USH2A: variants seen among roughly 807,000 people sequenced by gnomAD.
The protein encoded by USH2A is Usher syndrome 2A (autosomal recessive, mild).
A neutral mutation model predicts 538.9 loss-of-function variants in USH2A; 443 were observed. The ratio of observed to expected loss-of-function variants is 0.82; its 90% CI spans 0.76 to 0.89. The LOEUF (loss-of-function observed/expected upper bound fraction) is 0.89, where lower values mean the gene tolerates loss of function less well. Ranked by LOEUF, USH2A falls within the 40% of genes least tolerant of loss-of-function variation. The pLI is 0.00. For missense variants in USH2A, 6,633 were observed against 6,324.8 expected, an observed-to-expected ratio of 1.05 and a Z score of -1.65; for synonymous variants, 2,413 against 2,273.5, an observed-to-expected ratio of 1.06 and a Z score of -1.75.
At chr1:216,365,255 G>A (rs1240785878) in intron 3 of USH2A, among the ~76,000 whole-genome samples, 170 bp from the exon 4 acceptor site, 2 of 152,062 alleles carry the variant, frequency 1.3e-5, no homozygotes, top group African/African-American at 4.8e-5. Context: ...TGTTTATCTA[G>A]ATATAAACCT....
At chr1:215,985,139 G>A (rs1341299876) in intron 35 of USH2A, among the ~76,000 whole-genome samples, 1 of 152,092 alleles carries the variant, frequency 6.6e-6, no homozygotes, top group Admixed American at 6.6e-5. Flanking sequence ...TTAAAACTGA[G>A]CATTTCCAGG....
At chr1:216,371,739 G>A (rs1246845288) in intron 3 of USH2A, among the ~76,000 whole-genome samples, 2 of 152,256 alleles carry the variant, frequency 1.3e-5, no homozygotes, top group Non-Finnish European at 1.5e-5. Flanking sequence ...CAAATTTGAT[G>A]AGCATGCTTT....
At chr1:216,127,763 G>A (rs1558272762) in intron 21 of USH2A, among the ~76,000 whole-genome samples, 1 of 152,150 alleles carries the variant, frequency 6.6e-6, no homozygotes, top group Non-Finnish European at 1.5e-5. Context: ...AAATGCTGTT[G>A]TAGCAAAACT....
At chr1:216,052,507 C>A (rs1201309191) in intron 30 of USH2A, among the ~76,000 whole-genome samples, 1 of 152,106 alleles carries the variant, frequency 6.6e-6, no homozygotes, top group East Asian at 1.9e-4. Flanking sequence ...AGTGCCATTT[C>A]TTTTCTATTT....
At chr1:215,803,753 T>G (rs1438492706) in intron 49 of USH2A, among the ~76,000 whole-genome samples, 1 of 152,120 alleles carries the variant, frequency 6.6e-6, no homozygotes, top group Non-Finnish European at 1.5e-5. Context: ...AAGCTACCAA[T>G]GACTTTCTTC....
At chr1:215,704,319 C>T (rs902159223) in intron 61 of USH2A, among the ~76,000 whole-genome samples, 19 of 152,216 alleles carry the variant, frequency 1.2e-4, no homozygotes, top group African/African-American at 3.9e-4. Flanking sequence ...GTTCTGCCTT[C>T]AGTTCATTTT....
chr1:215,827,696 A>G (rs1663194550), intron 47 of USH2A, among the ~76,000 whole-genome samples: 1 of 152,152 alleles, frequency 6.6e-6, no homozygotes, highest in Non-Finnish European at 1.5e-5. Flanking sequence ...GGTTCTACCC[A>G]TATCCTTTAA....
chr1:215,633,334 T>C (rs1182802560), intron 70 of USH2A, among the ~76,000 whole-genome samples: 1 of 151,986 alleles, frequency 6.6e-6, no homozygotes, highest in East Asian at 1.9e-4. Context: ...CTTCTTTGCT[T>C]CTCCACCACC....
intron 55 of USH2A, among the ~76,000 whole-genome samples, chr1:215,770,556 A>G (rs1418423480): frequency 1.3e-5 from 2 of 152,134 alleles, no homozygotes; most frequent in Non-Finnish European, 2.9e-5. Context: ...GACTCTATAC[A>G]TTATCTAAAT....
intron 30 of USH2A, among the ~76,000 whole-genome samples, chr1:216,054,509 C>A (rs1558233857): frequency 6.6e-6 from 1 of 152,142 alleles, no homozygotes; most frequent in Non-Finnish European, 1.5e-5. Context: ...ATGATTAACT[C>A]CTCTGACTAA....
intron 32 of USH2A, among the ~76,000 whole-genome samples, chr1:216,005,063 A>G (rs955436672): frequency 6.6e-6 from 1 of 152,186 alleles, no homozygotes; most frequent in Non-Finnish European, 1.5e-5. Flanking sequence ...TTAGAACGAA[A>G]TCTAATAATG....
intron 56 of USH2A, among the ~76,000 whole-genome samples, chr1:215,765,961 G>T (rs1271462758): frequency 2.0e-5 from 3 of 152,112 alleles, no homozygotes; most frequent in African/African-American, 7.2e-5. Context: ...ATGCCTCCTT[G>T]AGCAGTGTGG....
At chr1:216,208,107 T>C (rs2035157090) in intron 15 of USH2A, among the ~76,000 whole-genome samples, 1 of 152,156 alleles carries the variant, frequency 6.6e-6, no homozygotes, top group Non-Finnish European at 1.5e-5. Flanking sequence ...AATATAAATA[T>C]ATACCATGAA....
intron 47 of USH2A, among the ~76,000 whole-genome samples, chr1:215,824,170 C>G (rs982873744): frequency 2.0e-5 from 3 of 152,084 alleles, no homozygotes; most frequent in Admixed American, 2.0e-4. Flanking sequence ...ATTTATTAAA[C>G]AGCAACTTTA....
chr1:215,869,110 C>A (rs1022855996), intron 43 of USH2A, among the ~76,000 whole-genome samples: 9 of 152,114 alleles, frequency 5.9e-5, no homozygotes, highest in Admixed American at 5.9e-4. Context: ...CAGATGTTAA[C>A]CCATTCATTC....
chr1:216,160,415 G>A (rs190607310), intron 21 of USH2A, among the ~76,000 whole-genome samples: 115 of 151,824 alleles, frequency 7.6e-4, no homozygotes, highest in African/African-American at 2.7e-3. Context: ...TTTTCCAATC[G>A]GATTATGTTT....
At chr1:216,125,095 C>T (rs148510350) in intron 21 of USH2A, among the ~76,000 whole-genome samples, 29 of 152,134 alleles carry the variant, frequency 1.9e-4, no homozygotes, top group Admixed American at 7.9e-4. Flanking sequence ...AATTTTTATA[C>T]GGTCTTGAAT....
At chr1:216,184,317 A>AT (rs1375848538) in intron 20 of USH2A, among the ~76,000 whole-genome samples, 1 of 151,872 alleles carries the variant, frequency 6.6e-6, no homozygotes, top group African/African-American at 2.4e-5. Context: ...AGAGGCTTTG[A>AT]TTTTTTTTCC....
At chr1:216,323,763 G>A (rs2037667589) in intron 7 of USH2A, 68 bp from the exon 8 acceptor site, 5 of 1,441,560 alleles carry the variant, frequency 3.5e-6, no homozygotes, top group Non-Finnish European at 4.9e-6. Context: ...AAATCAAAAT[G>A]TTGAGAAATT....
Sources: allele counts gnomAD v4.1 joint callset (sites outside exome capture counted in the v4.1 genomes callset), GRCh38; gene constraint gnomAD v4.1.1; transcripts MANE v1.5; gene names NCBI Gene and HGNC (gene_info 2026-07-23, HGNC 2026-07-21).